ZFAT: variants seen among roughly 807,000 people sequenced by gnomAD.
The protein encoded by ZFAT is zinc finger and AT-hook domain containing.
In ZFAT, 64 loss-of-function variants were observed where a neutral mutation model predicts 117.7. The ratio of observed to expected loss-of-function variants is 0.54; its 90% CI spans 0.44 to 0.67. The LOEUF (loss-of-function observed/expected upper bound fraction) is 0.67, where lower values mean the gene tolerates loss of function less well. Ranked by LOEUF, ZFAT falls within the 30% of genes least tolerant of loss-of-function variation. The probability of loss-of-function intolerance (pLI) is 0.00; values close to 1 mark genes in which losing one functional copy is unlikely to be tolerated. For missense variants in ZFAT, 1,433 were observed against 1,584.5 expected (o/e 0.90, Z 1.62); for synonymous variants, 679 against 615.0 (o/e 1.10, Z -1.54).
At chr8:134,522,362 T>C (rs1416246823) in intron 12 of ZFAT, among the ~76,000 whole-genome samples, 1 of 152,224 alleles carries the variant, frequency 6.6e-6, no homozygotes, top group Non-Finnish European at 1.5e-5. Context: ...CATTTCACAA[T>C]CTGTGGAGTT....
chr8:134,609,185 TA>T (rs1404939459), intron 4 of ZFAT, among the ~76,000 whole-genome samples: 2 of 151,936 alleles, frequency 1.3e-5, no homozygotes, highest in Non-Finnish European at 2.9e-5. Flanking sequence ...TATATATGTA[TA>T]TACATATACA....
At chr8:134,674,929 A>G (rs1161781140) in intron 1 of ZFAT, 1 of 156,268 alleles carries the variant, frequency 6.4e-6, no homozygotes, top group African/African-American at 2.4e-5. Flanking sequence ...AAAACTGACA[A>G]ACAGAATGGA....
At chr8:134,621,742 C>T (rs1829127606) in intron 3 of ZFAT, among the ~76,000 whole-genome samples, 1 of 152,196 alleles carries the variant, frequency 6.6e-6, no homozygotes. Context: ...CTGCCAGCCT[C>T]CCACACCTGT....
chr8:134,687,327 A>C (rs1245935596), intron 1 of ZFAT, among the ~76,000 whole-genome samples: 1 of 152,258 alleles, frequency 6.6e-6, no homozygotes, highest in African/African-American at 2.4e-5. Context: ...TTAACAAAAT[A>C]AAATGAGAAA....
At chr8:134,630,784 A>T (rs1336910428) in intron 3 of ZFAT, among the ~76,000 whole-genome samples, 1 of 152,262 alleles carries the variant, frequency 6.6e-6, no homozygotes, top group Non-Finnish European at 1.5e-5. Flanking sequence ...TTGAAAACAT[A>T]TCAAAAGAGT....
intron 1 of ZFAT, chr8:134,696,415 G>A (rs562075409): frequency 3.0e-6 from 3 of 985,580 alleles, no homozygotes; most frequent in South Asian, 4.7e-5. Context: ...GTGGAAACTC[G>A]CATCGGGAGA....
chr8:134,516,003 G>A (rs1159179576), intron 13 of ZFAT, among the ~76,000 whole-genome samples: 1 of 152,120 alleles, frequency 6.6e-6, no homozygotes. Flanking sequence ...TCACTTTTTA[G>A]GTTTGTTCAA....
chr8:134,661,922 G>C (rs958548275), intron 1 of ZFAT, among the ~76,000 whole-genome samples: 27 of 152,312 alleles, frequency 1.8e-4, no homozygotes, highest in African/African-American at 6.3e-4. Flanking sequence ...CAGCACGCAA[G>C]GAGGAACATC....
Position 134,590,283 on chromosome 8 carries a change from T to A in ZFAT, c.2548A>T (p.Lys850Ter), listed in dbSNP as rs1323525809. ...SEDRLIKSHI[K>*]TNHPEVSMST... is the part of the protein sequence containing the mutation. ...ACAACCTTACCAGGATGGTTGGTCT[T>A]GATATGTGACTTTATCAATCGATCC... The change falls in exon 8 of 16, where the codon AAG becomes TAG. Residue 850 changes from lysine (K) to a stop codon, truncating the protein, a stop_gained. Coordinates refer to ENST00000377838, the MANE Select transcript of ZFAT (RefSeq NM_020863.4). LOFTEE classifies it high-confidence loss of function. The A allele has an allele frequency of 6.2e-7, 1 of 1,613,230 alleles. No homozygotes were observed. The highest frequency in any genetic ancestry group is 1.1e-5 in the South Asian group (1 of 91,050).
At position 134,581,730 on chromosome 8, in the gene ZFAT, G is replaced by A. The variant is rs547757834; in HGVS notation, c.2887+2102C>T. Among the ~76,000 whole-genome samples the A allele has an allele frequency of 1.2e-4, 19 of 152,292 alleles. No homozygotes were observed. The South Asian group carries it at 3.1e-3, about 25-fold the overall frequency. ...CTACCAAGTAGCTGGGACCACAGGT[G>A]TGAGCCACCATGCCCCGTTAATTTT... On this transcript the variant is annotated intron_variant, in intron 10 of 15. Transcript: ENST00000377838.
intron 5 of ZFAT, among the ~76,000 whole-genome samples, chr8:134,603,270 C>T (rs1284797506): frequency 6.6e-6 from 1 of 152,118 alleles, no homozygotes; most frequent in African/African-American, 2.4e-5. Context: ...AGATGTCTGT[C>T]TGGACTGGGC....
intron 11 of ZFAT, 57 bp downstream of exon 11, chr8:134,565,276 T>G: frequency 6.2e-7 from 1 of 1,608,952 alleles, no homozygotes. Context: ...ATCTTCACTT[T>G]GAAAAGCAAC....
intron 3 of ZFAT, among the ~76,000 whole-genome samples, chr8:134,625,845 C>T (rs1026752447): frequency 1.3e-5 from 2 of 152,160 alleles, no homozygotes; most frequent in African/African-American, 4.8e-5. Flanking sequence ...GGCATGGTCA[C>T]CGTGAGACCG....
In ZFAT at chr8:134,478,869, C is replaced by T. The variant is rs1817085430; in HGVS notation, c.3493-148G>A. On this transcript the variant is annotated intron_variant, in intron 15 of 15. Transcript: ENST00000377838. The surrounding 1 kb of genome is among the most constrained non-coding windows in gnomAD (Gnocchi z 5.2). ...GATCCTCTCTACCAGGCTGTGCTTG[C>T]TCTCATGCCCATTTTACAGCTGAAC... is the stretch of plus-strand genomic sequence containing the variant. 1.6e-6 allele frequency: 2 copies of T among 1,252,188 alleles called. No individual in the cohort carries two copies. Among genetic ancestry groups the T allele is most frequent in the African/African-American group, 1.5e-5 (1 of 66,528 alleles). 77.6% of individuals were successfully genotyped at this position (1,252,188 alleles called of 1,614,324 possible).
chr8:134,567,978 C>A (rs6991998), intron 10 of ZFAT, among the ~76,000 whole-genome samples: 38,824 of 152,124 alleles, frequency 0.26, 5,316 homozygotes, highest in East Asian at 0.52. Context: ...CCACCTCTAC[C>A]GCCTTGTACA....
chr8:134,797,016 T>C, the ZFAT span: 1 of 152,146 alleles, frequency 6.6e-6, no homozygotes, highest in Non-Finnish European at 1.5e-5. Context: ...AGATTACAGA[T>C]TGAATGACCA....
chr8:134,634,978 G>GTAGA (rs1830115791), intron 3 of ZFAT, among the ~76,000 whole-genome samples: 1 of 152,208 alleles, frequency 6.6e-6, no homozygotes, highest in African/African-American at 2.4e-5. Context: ...AGCACGCAAC[G>GTAGA]TAGATCCCTG....
chr8:134,637,462 T>G lies in ZFAT; in HGVS notation c.447A>C (p.Ala149=), dbSNP rs777246685. Reference sequence around the variant, plus strand: ...GTTCAGCCCTTTGGCAGCATTTACCTGCTTCTCCTTCCTCCTCACCCAAAT... The same window carrying G: ...GTTCAGCCCTTTGGCAGCATTTACCGGCTTCTCCTTCCTCCTCACCCAAAT... ...VLNLGEEEGE[A]GNESDLELEK... Residue 149 remains alanine (A), a splice_region_variant and synonymous_variant, in exon 3 of 16, where the codon GCA becomes GCC. Coordinates refer to ENST00000377838, the MANE Select transcript of ZFAT (RefSeq NM_020863.4). The G allele has an allele frequency of 6.2e-7, 1 of 1,605,302 alleles. No homozygotes were observed. Among genetic ancestry groups the G allele is most frequent in the Non-Finnish European group, 8.5e-7 (1 of 1,172,520 alleles).
chr8:134,762,570 C>G, the ZFAT span, among the ~76,000 whole-genome samples: 1 of 152,160 alleles, frequency 6.6e-6, no homozygotes, highest in East Asian at 1.9e-4. Flanking sequence ...GCTAGTTTCT[C>G]TTTCTTTTTC....
Sources: allele counts gnomAD v4.1 joint callset (sites outside exome capture counted in the v4.1 genomes callset), GRCh38; gene constraint gnomAD v4.1.1; non-coding constraint Gnocchi (gnomAD v3.1); transcripts MANE v1.5; gene names NCBI Gene and HGNC (gene_info 2026-07-23, HGNC 2026-07-21).